The following ARHGAP30 variants were observed in gnomAD, a reference collection of about 807,000 sequenced individuals.
ARHGAP30 encodes the protein rho GTPase-activating protein 30.
In ARHGAP30, 23 loss-of-function variants were observed where a neutral mutation model predicts 72.0. That is an observed-to-expected ratio of 0.32 (90% CI 0.23 to 0.45). The LOEUF (loss-of-function observed/expected upper bound fraction) is 0.45. Ranked by LOEUF, ARHGAP30 falls within the 20% of genes least tolerant of loss-of-function variation. The probability of loss-of-function intolerance (pLI) is 1.00; values close to 1 mark genes in which losing one functional copy is unlikely to be tolerated. For missense variants in ARHGAP30, 1,319 were observed against 1,383.4 expected (o/e 0.95, Z 0.74); for synonymous variants, 576 against 528.2 (o/e 1.09, Z -1.24).
At position 161,052,322 on chromosome 1, in the gene ARHGAP30, T is replaced by A; in HGVS notation, c.982A>T (p.Met328Leu). 1 of 1,613,996 alleles carries A rather than the reference T, an allele frequency of 6.2e-7. No individual in the cohort carries two copies. The highest frequency in any genetic ancestry group is 8.5e-7 in the Non-Finnish European group (1 of 1,180,026). The stretch of plus-strand genomic sequence containing the variant: ...CCAGCTGCAGCACTCAGTGAGTCCA[T>A]GCTTTTGGCTGGCCGCAGTGTCCCC... ...NKGTLRPAKS[M>L]DSLSAAAGAS... Residue 328 changes from methionine (M) to leucine (L), a missense_variant, in exon 9 of 12, where the codon ATG (methionine) becomes TTG (leucine). Transcript: ENST00000368013.
rs1650969069 is a variant in ARHGAP30 at position 161,047,786 on chromosome 1, G to A, written c.3235C>T (p.Leu1079=). ...TATGACCTGCGCTGAGAGGACAACA[G>A]GGGGTCAGGAACCTGGGGTTCTCTG... ...PPREPQVPDP[L]LSSQRRSYAF... is the part of the protein sequence containing the mutation. Residue 1079 remains leucine (L), a synonymous_variant, in exon 12 of 12, where the codon CTG becomes TTG. Transcript: ENST00000368013. The A allele has an allele frequency of 1.9e-6, 3 of 1,593,736 alleles. No individual in the cohort carries two copies. The African/African-American group carries it at 4.1e-5, about 22-fold the overall frequency.
At chr1:161,052,013 C>T (rs1266478868) in intron 9 of ARHGAP30, among the ~76,000 whole-genome samples, 1 of 101,100 alleles carries the variant, frequency 9.9e-6, no homozygotes, top group Non-Finnish European at 2.1e-5. Context: ...CCACCACCAC[C>T]ACCACCACCA....
chr1:161,062,645 C>T (rs1652397338), intron 1 of ARHGAP30, among the ~76,000 whole-genome samples: 1 of 151,622 alleles, frequency 6.6e-6, no homozygotes, highest in Non-Finnish European at 1.5e-5. Context: ...AGAAGAATTG[C>T]TTGAATCTGG....
intron 1 of ARHGAP30, among the ~76,000 whole-genome samples, 161 bp from the exon 2 acceptor site, chr1:161,059,877 C>T (rs1292878150): frequency 6.6e-6 from 1 of 152,200 alleles, no homozygotes; most frequent in Non-Finnish European, 1.5e-5. Flanking sequence ...CTTCAACCTG[C>T]CAACCCCTCT....
At position 161,047,305 on chromosome 1, in the gene ARHGAP30, G is replaced by C. The variant is rs1650914477; in HGVS notation, c.*410C>G. The stretch of plus-strand genomic sequence containing the variant: ...AATGGGCAACTCTAGAAGTGTTTGT[G>C]TGTGGAAGGCCCTAACCTGGCCCTG... On this transcript the variant is annotated 3_prime_UTR_variant, in exon 12 of 12. Coordinates refer to ENST00000368013, the MANE Select transcript of ARHGAP30 (RefSeq NM_001025598.2). 2 of 180,376 alleles carry C rather than the reference G, an allele frequency of 1.1e-5. No homozygotes were observed. Among genetic ancestry groups the C allele is most frequent in the African/African-American group, 4.8e-5 (2 of 41,710 alleles). 11.2% of individuals were successfully genotyped at this position (180,376 alleles called of 1,614,324 possible).
At chr1:161,065,596 CT>C (rs900123865) in intron 1 of ARHGAP30, among the ~76,000 whole-genome samples, 16 of 150,382 alleles carry the variant, frequency 1.1e-4, no homozygotes, top group African/African-American at 3.7e-4. Flanking sequence ...CGGAGTTTCA[CT>C]CTTGTTGCCC....
intron 2 of ARHGAP30, among the ~76,000 whole-genome samples, chr1:161,056,914 C>T (rs907764759): frequency 2.6e-5 from 4 of 152,084 alleles, no homozygotes; most frequent in Non-Finnish European, 4.4e-5. Context: ...AAGTGTAAAT[C>T]TTTATGTCCT....
At position 161,054,699 on chromosome 1, in the gene ARHGAP30, C is replaced by T. The variant is rs1020010491; in HGVS notation, c.352G>A (p.Val118Ile). The T allele has an allele frequency of 6.2e-7, 1 of 1,613,960 alleles. No homozygotes were observed. Among genetic ancestry groups the T allele is most frequent in the Non-Finnish European group, 8.5e-7 (1 of 1,179,984 alleles). The change falls in exon 4 of 12, where the codon GTA becomes ATA. Residue 118 changes from valine to isoleucine, a missense_variant. Val to Ile is a conservative substitution (Grantham distance 29). This residue lies in a region of ARHGAP30 where 222 missense variants were observed against 338.2 expected (regional missense o/e 0.66). Coordinates refer to ENST00000368013, the MANE Select transcript of ARHGAP30 (RefSeq NM_001025598.2). ...YRLYDKFAEA[V>I]GVQLEPERLV... is the part of the protein sequence containing the mutation. ...CGCTCAGGTTCCAATTGCACTCCTA[C>T]AGCCTCCTGATTGAGAAGAGTGCAA... is the stretch of plus-strand genomic sequence containing the variant.
Position 161,051,363 on chromosome 1 carries a change from G to GCT in ARHGAP30, c.1369_1370dup (p.Ser457ArgfsTer58). On this transcript the variant is annotated frameshift_variant, in exon 10 of 12. Coordinates refer to ENST00000368013, the MANE Select transcript of ARHGAP30 (RefSeq NM_001025598.2). LOFTEE classifies it high-confidence loss of function. ...GGCCAGGGCCAGGGCCAGAGGCAGGGCTTGGCCGGTGCTGTAGAGCAGGGC... is the reference window on the plus strand; with the variant it reads ...GGCCAGGGCCAGGGCCAGAGGCAGGGCTCTTGGCCGGTGCTGTAGAGCAGGGC... The GCT allele has an allele frequency of 6.2e-7, 1 of 1,613,128 alleles. No homozygotes were observed. Among genetic ancestry groups the GCT allele is most frequent in the Non-Finnish European group, 8.5e-7 (1 of 1,179,702 alleles).
At chr1:161,058,021 C>T (rs879311259) in intron 2 of ARHGAP30, among the ~76,000 whole-genome samples, 2 of 152,116 alleles carry the variant, frequency 1.3e-5, no homozygotes, top group Non-Finnish European at 2.9e-5. Context: ...CATGGTGGCG[C>T]TCGCCTGTAA....
chr1:161,066,048 A>T (rs574321325), intron 1 of ARHGAP30, among the ~76,000 whole-genome samples: 1 of 150,826 alleles, frequency 6.6e-6, no homozygotes, highest in Admixed American at 6.6e-5. Flanking sequence ...TATTTTTAGT[A>T]GAGACGGAAT....
chr1:161,054,657 C>T lies in ARHGAP30; in HGVS notation c.394G>A (p.Glu132Lys). ...GGGACAGGGAGTTCCCGAAGCACCT[C>T]TAGGATCTTGACCAAGCGCTCAGGT... ...LEPERLVKIL[E>K]VLRELPVPNY... The change falls in exon 4 of 12, where the codon GAG (glutamate) becomes AAG (lysine). Residue 132 changes from glutamate to lysine, a missense_variant. Physicochemically the swap from Glu to Lys is moderately conservative, Grantham distance 56. Transcript: ENST00000368013. 2 of 1,614,022 alleles carry T rather than the reference C, an allele frequency of 1.2e-6. No homozygotes were observed. The highest frequency in any genetic ancestry group is 1.7e-6 in the Non-Finnish European group (2 of 1,180,020).
At chr1:161,054,775 G>T in intron 3 of ARHGAP30, 70 bp from the exon 4 acceptor site, 1 of 1,378,818 alleles carries the variant, frequency 7.3e-7, no homozygotes. Context: ...CCCAGAGCTT[G>T]TAACCAAGTT....
chr1:161,048,163 A>C lies in ARHGAP30; in HGVS notation c.2858T>G (p.Met953Arg). The C allele has an allele frequency of 6.2e-7, 1 of 1,614,142 alleles. No homozygotes were observed. The highest frequency in any genetic ancestry group is 1.7e-5 in the Admixed American group (1 of 60,022). The change falls in exon 12 of 12, where the codon ATG (methionine) becomes AGG (arginine). Residue 953 changes from methionine to arginine, a missense_variant. Met to Arg is a moderately conservative substitution (Grantham distance 91). This residue lies in a region of ARHGAP30 where 1,097 missense variants were observed against 1,045.2 expected (regional missense o/e 1.05). Transcript: ENST00000368013. ...AGGTGCCACATGAATCTTGCTACAC[A>C]TTGCACTGGGCATCTTGGCAAACTG... Reference protein sequence around the residue: ...KPQFAKMPSAMCSKIHVAPAN... With the variant: ...KPQFAKMPSARCSKIHVAPAN...
Position 161,048,340 on chromosome 1 carries a change from T to C in ARHGAP30, c.2681A>G (p.Gln894Arg). 6.2e-7 allele frequency: 1 copy of C among 1,614,160 alleles called. No individual in the cohort carries two copies. The change falls in exon 12 of 12, where the codon CAG (glutamine) becomes CGG (arginine). Residue 894 changes from glutamine to arginine, a missense_variant. Physicochemically the swap from Gln to Arg is conservative, Grantham distance 43 (BLOSUM62 1). Around this residue, in one of 2 missense-constraint regions of ARHGAP30, gnomAD observed 1,097 missense variants for 1,045.2 expected, o/e 1.05. Coordinates refer to ENST00000368013, the MANE Select transcript of ARHGAP30 (RefSeq NM_001025598.2). Reference sequence around the variant, plus strand: ...CCCCTCAGGCTCCATCTCCTCTGGCTGAGGTGGCTGTGGGGCTACCTCTTC... The same window carrying C: ...CCCCTCAGGCTCCATCTCCTCTGGCCGAGGTGGCTGTGGGGCTACCTCTTC... The part of the protein sequence containing the change: ...EMEEVAPQPP[Q>R]PEEMEPEGQP...
chr1:161,047,766 C>A lies in ARHGAP30; in HGVS notation c.3255G>T (p.Arg1085Ser). The A allele has an allele frequency of 6.4e-7, 1 of 1,565,602 alleles. No individual in the cohort carries two copies. The highest frequency in any genetic ancestry group is 1.4e-5 in the African/African-American group (1 of 72,994). Residue 1085 changes from arginine (R) to serine (S), a missense_variant, in exon 12 of 12, where the codon AGG becomes AGT. Physicochemically the swap from Arg to Ser is moderately radical, Grantham distance 110. This residue lies in a region of ARHGAP30 where 1,097 missense variants were observed against 1,045.2 expected (regional missense o/e 1.05). Coordinates refer to ENST00000368013, the MANE Select transcript of ARHGAP30 (RefSeq NM_001025598.2). ...TAGCCTGTGTTTCAAATGCATATGA[C>A]CTGCGCTGAGAGGACAACAGGGGGT... ...VPDPLLSSQR[R>S]SYAFETQANP... is the part of the protein sequence containing the mutation.
intron 1 of ARHGAP30, among the ~76,000 whole-genome samples, chr1:161,063,518 T>A (rs1051146583): frequency 1.4e-4 from 22 of 152,262 alleles, no homozygotes; most frequent in African/African-American, 5.3e-4. Flanking sequence ...GAAGGATGTA[T>A]ATCGTCTCAG....
chr1:161,059,856 C>T, intron 1 of ARHGAP30, 140 bp from the exon 2 acceptor site: 2 of 682,546 alleles, frequency 2.9e-6, no homozygotes, highest in East Asian at 2.8e-5. Context: ...ACAATTCTTA[C>T]AGATCATCAG....
intron 1 of ARHGAP30, among the ~76,000 whole-genome samples, chr1:161,064,771 A>AAG (rs1491042436): frequency 1.6e-4 from 17 of 103,596 alleles, no homozygotes; most frequent in Admixed American, 4.3e-4. Context: ...GAAAGAAAGA[A>AAG]AGAAAGAAAA....
Sources: gnomAD v4.1 joint callset for allele counts (sites outside exome capture counted in the v4.1 genomes callset) on GRCh38, gnomAD v4.1.1 for gene constraint, gnomAD v4.1.1 regional missense constraint, MANE v1.5 for transcripts, NCBI Gene and HGNC (gene_info 2026-07-23, HGNC 2026-07-21) for gene names.